Variants in B4GALNT3 observed in about 807,000 individuals in gnomAD.
B4GALNT3 encodes the protein beta-1,4-N-acetyl-galactosaminyltransferase 3.
A neutral mutation model predicts 120.2 loss-of-function variants in B4GALNT3; 86 were observed. The ratio of observed to expected loss-of-function variants is 0.72; its 90% confidence interval spans 0.60 to 0.86. The LOEUF (loss-of-function observed/expected upper bound fraction) is 0.86, where lower values mean the gene tolerates loss of function less well. Ranked by LOEUF, B4GALNT3 falls within the 40% of genes least tolerant of loss-of-function variation. The probability of loss-of-function intolerance (pLI) is 0.00; values close to 1 mark genes in which losing one functional copy is unlikely to be tolerated. For synonymous variants in B4GALNT3, 518 were observed against 510.4 expected, an observed-to-expected ratio of 1.01 and a Z score of -0.20; for missense variants, 1,167 against 1,298.9, an observed-to-expected ratio of 0.90 and a Z score of 1.56.
rs1462443736 is a variant in B4GALNT3, at chr12:499,674, C to T, written c.170-35492C>T. 4.6e-5 allele frequency among the ~76,000 whole-genome samples: 6 copies of T among 131,400 alleles called. 1 individual carries two copies. Among genetic ancestry groups the T allele is most frequent in the Admixed American group, 2.9e-4 (3 of 10,454 alleles). 86.2% of individuals were successfully genotyped at this position (131,400 alleles called of 152,430 possible). On this transcript the variant is annotated intron_variant, in intron 1 of 19. Coordinates refer to ENST00000266383, the MANE Select transcript of B4GALNT3 (RefSeq NM_173593.4). ...CCCGTGCTCTCACTATCTACTAGCC[C>T]GTGGAGCCCGTGCTCTCACTATCTA...
intron 1 of B4GALNT3, among the ~76,000 whole-genome samples, chr12:469,176 A>C (rs900271464): frequency 2.6e-5 from 4 of 152,146 alleles, no homozygotes; most frequent in African/African-American, 9.7e-5. Flanking sequence ...AAGGCAGGGC[A>C]AGGTTCCAGT....
chr12:546,718 G>A lies in B4GALNT3; in HGVS notation c.707+5G>A. 1 of 1,551,346 alleles carries A rather than the reference G, an allele frequency of 6.4e-7. No individual in the cohort carries two copies. The highest frequency in any genetic ancestry group is 8.7e-7 in the Non-Finnish European group (1 of 1,146,792). On this transcript the variant is annotated splice_donor_5th_base_variant and intron_variant, in intron 7 of 19. Transcript: ENST00000266383. ...CCAAATTTCCAAGCCGGTGAGGTGAGTGAGGGTCAGGACAGGCGCTGTGGG... is the reference window on the plus strand; with the variant it reads ...CCAAATTTCCAAGCCGGTGAGGTGAATGAGGGTCAGGACAGGCGCTGTGGG...
At chr12:559,929 C>T (rs1947207481) in intron 19 of B4GALNT3, among the ~76,000 whole-genome samples, 1 of 152,004 alleles carries the variant, frequency 6.6e-6, no homozygotes, top group Non-Finnish European at 1.5e-5. Flanking sequence ...CATGAGACAC[C>T]AAGGGACCTG....
chr12:535,919 A>G (rs904642923), intron 2 of B4GALNT3, among the ~76,000 whole-genome samples: 5 of 152,244 alleles, frequency 3.3e-5, no homozygotes, highest in Admixed American at 6.5e-5. Context: ...ACCCAAATCT[A>G]TACAGCTGGG....
At chr12:489,692 A>C (rs115874745) in intron 1 of B4GALNT3, among the ~76,000 whole-genome samples, 3,493 of 152,326 alleles carry the variant, frequency 0.023, 122 homozygotes, top group African/African-American at 0.08. Flanking sequence ...TCTCTCTAGA[A>C]ATTGACAGAT....
Position 559,347 on chromosome 12 carries a change from G to A in B4GALNT3, c.2814G>A (p.Leu938=), listed in dbSNP as rs763187394. The A allele has an allele frequency of 1.2e-6, 2 of 1,613,948 alleles. No homozygotes were observed. The highest frequency in any genetic ancestry group is 3.3e-5 in the Admixed American group (2 of 59,992). Residue 938 remains leucine, a synonymous_variant, in exon 19 of 20, where the codon CTG becomes CTA. Coordinates refer to ENST00000266383, the MANE Select transcript of B4GALNT3 (RefSeq NM_173593.4). ...FGLLGIYKSD[L]DRIGGMNTKE... ...TGCTTGGCATCTACAAGTCTGACCT[G>A]GACAGGATTGGGGGCATGAACACCA... is the stretch of plus-strand genomic sequence containing the variant.
chr12:552,548 G>T lies in B4GALNT3; in HGVS notation c.1270+20G>T. On this transcript the variant is annotated intron_variant, in intron 13 of 19. Transcript: ENST00000266383. Reference sequence around the variant, plus strand: ...AGCCAGGTACAGAGTGACAGCTGAGGCTTCCAGGTCAGGCTGAGAGGGGCG... The same window carrying T: ...AGCCAGGTACAGAGTGACAGCTGAGTCTTCCAGGTCAGGCTGAGAGGGGCG... The T allele has an allele frequency of 6.2e-7, 1 of 1,611,984 alleles. No individual in the cohort carries two copies. The highest frequency in any genetic ancestry group is 8.5e-7 in the Non-Finnish European group (1 of 1,178,638).
intron 3 of B4GALNT3, among the ~76,000 whole-genome samples, chr12:537,656 C>T (rs1395710755): frequency 2.6e-5 from 4 of 152,186 alleles, no homozygotes; most frequent in Admixed American, 1.3e-4. Flanking sequence ...TCAAGATTTC[C>T]GAGTAGCACG....
intron 1 of B4GALNT3, among the ~76,000 whole-genome samples, chr12:483,167 C>A (rs1386813193): frequency 6.6e-6 from 1 of 152,138 alleles, no homozygotes; most frequent in African/African-American, 2.4e-5. Flanking sequence ...ACCTCAGTCT[C>A]CCAAAGTGCT....
chr12:464,807 G>A (rs58409356), intron 1 of B4GALNT3, among the ~76,000 whole-genome samples: 10,408 of 152,124 alleles, frequency 0.068, 1,117 homozygotes, highest in African/African-American at 0.23. Context: ...GTTGGCTTTC[G>A]CTGCCTTACC....
At chr12:527,446 A>G (rs1013793719) in intron 1 of B4GALNT3, among the ~76,000 whole-genome samples, 7 of 152,216 alleles carry the variant, frequency 4.6e-5, no homozygotes, top group Admixed American at 1.3e-4. Flanking sequence ...CCGTTTCAGT[A>G]GCTCAGGTGC....
intron 6 of B4GALNT3, among the ~76,000 whole-genome samples, chr12:546,159 G>C (rs1947003889): frequency 7.3e-6 from 1 of 136,466 alleles, no homozygotes; most frequent in South Asian, 2.5e-4. Flanking sequence ...AAGAGGAGGG[G>C]GGAATGAGAA....
intron 3 of B4GALNT3, among the ~76,000 whole-genome samples, chr12:540,754 T>G (rs1230652272): frequency 6.6e-6 from 1 of 151,932 alleles, no homozygotes; most frequent in Non-Finnish European, 1.5e-5. Flanking sequence ...TTTCTTTTCT[T>G]TTTTTTTGAG....
intron 1 of B4GALNT3, among the ~76,000 whole-genome samples, chr12:505,377 C>T (rs12296099): frequency 0.015 from 2,252 of 152,294 alleles, 54 homozygotes; most frequent in African/African-American, 0.05. Context: ...GCAGCATCAG[C>T]GGCTCTTACA....
intron 1 of B4GALNT3, among the ~76,000 whole-genome samples, chr12:472,576 T>C (rs888373962): frequency 1.3e-5 from 2 of 152,228 alleles, no homozygotes; most frequent in African/African-American, 2.4e-5. Flanking sequence ...TAGCTGGAAC[T>C]ACAGGTGCCC....
chr12:514,162 C>A (rs540190177), intron 1 of B4GALNT3, among the ~76,000 whole-genome samples: 1 of 150,594 alleles, frequency 6.6e-6, no homozygotes, highest in East Asian at 1.9e-4. Context: ...TCCAATTTCT[C>A]TATGTTCTTG....
chr12:552,666 C>T (rs1306666173), intron 13 of B4GALNT3, 138 bp downstream of exon 13: 3 of 742,532 alleles, frequency 4.0e-6, no homozygotes, highest in Admixed American at 2.7e-5. Context: ...CCTTCACACC[C>T]AAGGGAGTGG....
chr12:552,454 C>T lies in B4GALNT3; in HGVS notation c.1209-13C>T. The T allele has an allele frequency of 1.2e-6, 2 of 1,613,420 alleles. No individual in the cohort carries two copies. Among genetic ancestry groups the T allele is most frequent in the Non-Finnish European group, 1.7e-6 (2 of 1,179,544 alleles). On this transcript the variant is annotated splice_polypyrimidine_tract_variant and intron_variant, in intron 12 of 19. Transcript: ENST00000266383. ...GCACCGGGTGCCAATGCACACCTCCCTTCCTCCTGCAGGTTCAGCTTTCAG... is the reference window on the plus strand; with the variant it reads ...GCACCGGGTGCCAATGCACACCTCCTTTCCTCCTGCAGGTTCAGCTTTCAG...
At chr12:522,941 TAAAAAAAAA>T (rs61096976) in intron 1 of B4GALNT3, among the ~76,000 whole-genome samples, 1 of 58,018 alleles carries the variant, frequency 1.7e-5, no homozygotes, top group Non-Finnish European at 2.9e-5. Flanking sequence ...AGACTCTGTT[TAAAAAAAAA>T]AAAAAAAAAA....
Sources: gnomAD v4.1 joint callset for allele counts (sites outside exome capture counted in the v4.1 genomes callset) on GRCh38, gnomAD v4.1.1 for gene constraint, MANE v1.5 for transcripts, NCBI Gene and HGNC (gene_info 2026-07-23, HGNC 2026-07-21) for gene names.